Variants in FRMD6 observed in about 807,000 individuals in gnomAD.
FRMD6 encodes the protein FERM domain-containing protein 6.
FRMD6 carries 37 observed loss-of-function variants against 73.2 expected under a neutral mutation model. That is an observed-to-expected ratio of 0.51 (90% CI 0.39 to 0.66). FRMD6 has a LOEUF of 0.66. Ranked by LOEUF, FRMD6 falls within the 30% of genes least tolerant of loss-of-function variation. FRMD6 has a pLI of 0.00. For synonymous variants in FRMD6, 273 were observed against 282.2 expected (o/e 0.97, Z 0.33); for missense variants, 714 against 780.5 (o/e 0.91, Z 1.02).
chr14:51,450,370 T>A, the FRMD6 span, among the ~76,000 whole-genome samples: 1 of 152,222 alleles, frequency 6.6e-6, no homozygotes, highest in Admixed American at 6.5e-5. Flanking sequence ...CAGAATTTTT[T>A]GGGCAGTGTG....
intron 1 of FRMD6, among the ~76,000 whole-genome samples, chr14:51,516,770 T>C (rs773009555): frequency 6.6e-5 from 10 of 152,188 alleles, no homozygotes; most frequent in Non-Finnish European, 8.8e-5. Context: ...AAATTGAACA[T>C]TTAAAAGGGA....
intron 1 of FRMD6, among the ~76,000 whole-genome samples, chr14:51,501,019 G>C (rs990444051): frequency 6.6e-6 from 1 of 152,136 alleles, no homozygotes; most frequent in Non-Finnish European, 1.5e-5. Flanking sequence ...AAGAAAGCTG[G>C]TGCTCAGACA....
At chr14:51,533,088 T>C (rs1401737278) in intron 1 of FRMD6, among the ~76,000 whole-genome samples, 1 of 152,250 alleles carries the variant, frequency 6.6e-6, no homozygotes, top group Non-Finnish European at 1.5e-5. Context: ...TCTTGCCAAG[T>C]GCTTAGGTCA....
chr14:51,569,511 T>C (rs1270870485), intron 1 of FRMD6, among the ~76,000 whole-genome samples: 26 of 141,762 alleles, frequency 1.8e-4, no homozygotes, highest in African/African-American at 5.9e-4. Flanking sequence ...TTCTTTCTTT[T>C]TTTTTTTTTT....
At chr14:51,648,902 TG>T (rs1302445501), upstream of FRMD6, among the ~76,000 whole-genome samples, 1 of 152,226 alleles carries the variant, frequency 6.6e-6, no homozygotes, top group Non-Finnish European at 1.5e-5. Context: ...GCTTAGGATG[TG>T]TTTAAAATAA....
At chr14:51,410,477 C>G in the FRMD6 span, among the ~76,000 whole-genome samples, 1 of 152,296 alleles carries the variant, frequency 6.6e-6, no homozygotes, top group South Asian at 2.1e-4. Flanking sequence ...TTGAACATAA[C>G]TCCAATTATT....
At chr14:51,541,515 G>T (rs1886200101) in intron 1 of FRMD6, among the ~76,000 whole-genome samples, 1 of 152,068 alleles carries the variant, frequency 6.6e-6, no homozygotes, top group Non-Finnish European at 1.5e-5. Context: ...TTCAATGGCG[G>T]GGTAGGGTAA....
In FRMD6 at chr14:51,632,594, A is replaced by C. The variant is rs567016769; in HGVS notation, c.-146-57097A>C. Among the ~76,000 whole-genome samples, 8 of 152,320 alleles carry C rather than the reference A, an allele frequency of 5.3e-5. No homozygotes were observed. In the South Asian group the frequency reaches 1.7e-3, roughly 32 times the overall value. ...CCTTTAGAAGGATGGTTTCCTGGCT[A>C]TCTGCAGTTCTCTCCATCTCACCCC... On this transcript the variant is annotated intron_variant, in intron 2 of 14. Coordinates refer to the FRMD6 transcript ENST00000356218.
At chr14:51,436,664 G>C in the FRMD6 span, 1 of 532,372 alleles carries the variant, frequency 1.9e-6, no homozygotes, top group South Asian at 1.9e-5. Context: ...TGACCATTCT[G>C]ATGTAGGGGC....
chr14:51,603,885 T>G (rs1344074217), intron 2 of FRMD6, among the ~76,000 whole-genome samples: 1 of 152,094 alleles, frequency 6.6e-6, no homozygotes, highest in Non-Finnish European at 1.5e-5. Flanking sequence ...TTCAACATAT[T>G]TTATGTAGAA....
intron 2 of FRMD6, among the ~76,000 whole-genome samples, chr14:51,636,501 C>A (rs1192403025): frequency 6.6e-6 from 1 of 152,122 alleles, no homozygotes; most frequent in African/African-American, 2.4e-5. Flanking sequence ...GGAAAGGAGC[C>A]CTGTGAAATG....
In FRMD6 at chr14:51,688,021, A is replaced by G. The variant is rs139840943; in HGVS notation, c.-146-1670A>G. On this transcript the variant is annotated intron_variant, in intron 1 of 13. Coordinates refer to ENST00000344768, the MANE Select transcript of FRMD6 (RefSeq NM_001267046.2). ...AGAAATGCCAGAATACCTGCTCAGG[A>G]TTCTGTGTTCATTACAAACACCCAG... Among the ~76,000 whole-genome samples the G allele has an allele frequency of 6.4e-3, 975 of 152,274 alleles. 1 individual carries two copies. Among genetic ancestry groups the G allele is most frequent in the Non-Finnish European group, 0.01 (683 of 68,024 alleles).
chr14:51,577,696 A>G (rs571709862), intron 2 of FRMD6, among the ~76,000 whole-genome samples: 81 of 152,304 alleles, frequency 5.3e-4, no homozygotes, highest in African/African-American at 1.9e-3. Context: ...TCAAGGATGA[A>G]CAGAAGTTGG....
intron 1 of FRMD6, among the ~76,000 whole-genome samples, chr14:51,494,276 G>T (rs1883173315): frequency 6.6e-6 from 1 of 152,136 alleles, no homozygotes; most frequent in Non-Finnish European, 1.5e-5. Context: ...TGAGATTTAA[G>T]ATATGATTCA....
At chr14:51,506,877 G>A (rs1166844941) in intron 1 of FRMD6, among the ~76,000 whole-genome samples, 2 of 152,080 alleles carry the variant, frequency 1.3e-5, no homozygotes, top group Admixed American at 6.6e-5. Flanking sequence ...TATTAACATG[G>A]AAGGATAATA....
At chr14:51,486,299 G>C (rs988506610), upstream of FRMD6, among the ~76,000 whole-genome samples, 3 of 152,112 alleles carry the variant, frequency 2.0e-5, no homozygotes, top group African/African-American at 7.2e-5. Context: ...CTCCCAAAGT[G>C]CTGGGATTAC....
At chr14:51,445,124 T>G in the FRMD6 span, among the ~76,000 whole-genome samples, 1 of 152,150 alleles carries the variant, frequency 6.6e-6, no homozygotes, top group African/African-American at 2.4e-5. Context: ...TGGCATAGAT[T>G]TGCTCCCTGC....
chr14:51,438,865 T>C, the FRMD6 span, among the ~76,000 whole-genome samples: 1 of 131,034 alleles, frequency 7.6e-6, no homozygotes, highest in Non-Finnish European at 1.6e-5. Flanking sequence ...TGCTGGCATG[T>C]CTTCACTGGC....
At chr14:51,527,188 C>A (rs1345320535) in intron 1 of FRMD6, among the ~76,000 whole-genome samples, 1 of 152,226 alleles carries the variant, frequency 6.6e-6, no homozygotes, top group Non-Finnish European at 1.5e-5. Flanking sequence ...AAAGAAGTAG[C>A]CACTGTTCCA....
Sources: gnomAD v4.1 joint callset for allele counts (sites outside exome capture counted in the v4.1 genomes callset) on GRCh38, gnomAD v4.1.1 for gene constraint, MANE v1.5 for transcripts, NCBI Gene and HGNC (gene_info 2026-07-23, HGNC 2026-07-21) for gene names.